PRKG1: variants seen among roughly 807,000 people sequenced by gnomAD.
PRKG1 encodes protein kinase cGMP-dependent 1.
In PRKG1, 35 loss-of-function variants were observed where a neutral mutation model predicts 88.1. That is an observed-to-expected ratio of 0.40 (90% CI 0.30 to 0.53). PRKG1 has a LOEUF of 0.53. Ranked by LOEUF, PRKG1 falls within the 20% of genes least tolerant of loss-of-function variation. PRKG1 has a pLI of 0.59. For missense variants in PRKG1, 540 were observed against 839.8 expected (o/e 0.64, Z 4.41); for synonymous variants, 303 against 292.5 (o/e 1.04, Z -0.37).
intron 3 of PRKG1, among the ~76,000 whole-genome samples, chr10:51,471,265 C>G (rs190708281): frequency 3.8e-4 from 57 of 151,942 alleles, no homozygotes; most frequent in Non-Finnish European, 5.6e-4. Context: ...GGGAAAGAAT[C>G]GCTTGTTATA....
intron 5 of PRKG1, among the ~76,000 whole-genome samples, chr10:52,044,445 G>A (rs1442902684): frequency 3.3e-5 from 5 of 152,038 alleles, no homozygotes; most frequent in East Asian, 1.9e-4. Context: ...TTTTAAAAAC[G>A]ACAGAACTCC....
intron 3 of PRKG1, among the ~76,000 whole-genome samples, chr10:51,605,406 A>G (rs1838738396): frequency 6.6e-6 from 1 of 152,128 alleles, no homozygotes; most frequent in Non-Finnish European, 1.5e-5. Context: ...CCACTCTCGT[A>G]TCACTGTTAC....
rs1211720746 is a variant in PRKG1 at position 51,790,712 on chromosome 10, G to A, written c.593-13873G>A. ...TCTAGACATCTGATCTTTTGATGTA[G>A]AGTCTGTCTCTAAACCATCAGTGTT... is the stretch of plus-strand genomic sequence containing the variant. On this transcript the variant is annotated intron_variant, in intron 3 of 17. Coordinates refer to ENST00000373980, the MANE Select transcript of PRKG1 (RefSeq NM_006258.4). Among the ~76,000 whole-genome samples, 5 of 152,104 alleles carry A rather than the reference G, an allele frequency of 3.3e-5. No individual in the cohort carries two copies. The East Asian group carries it at 7.7e-4, about 23-fold the overall frequency.
intron 4 of PRKG1, among the ~76,000 whole-genome samples, chr10:51,874,928 G>A (rs1019946209): frequency 1.3e-5 from 2 of 152,136 alleles, no homozygotes; most frequent in African/African-American, 2.4e-5. Flanking sequence ...CCCCTACTGT[G>A]TTCCAGACAC....
At chr10:51,061,355 A>G (rs1476198168) in intron 1 of PRKG1, among the ~76,000 whole-genome samples, 3 of 152,076 alleles carry the variant, frequency 2.0e-5, no homozygotes, top group Non-Finnish European at 4.4e-5. Context: ...CCATGAGTCA[A>G]TTACCTCCTA....
chr10:51,804,529 A>G, intron 3 of PRKG1, 56 bp from the exon 4 acceptor site: 1 of 1,207,104 alleles, frequency 8.3e-7, no homozygotes, highest in Non-Finnish European at 1.2e-6. Context: ...TGTTGTTCAC[A>G]GTTGAAATTC....
At chr10:52,096,923 C>T (rs1847186596) in intron 7 of PRKG1, among the ~76,000 whole-genome samples, 1 of 152,054 alleles carries the variant, frequency 6.6e-6, no homozygotes, top group African/African-American at 2.4e-5. Context: ...CATGTAATGG[C>T]TGCTTGCTCT....
intron 3 of PRKG1, among the ~76,000 whole-genome samples, chr10:51,758,669 C>G (rs891866973): frequency 6.6e-6 from 1 of 151,976 alleles, no homozygotes; most frequent in African/African-American, 2.4e-5. Context: ...TCTACCCAGG[C>G]CTGTGATTTT....
At chr10:51,871,977 A>G (rs1019182600) in intron 4 of PRKG1, among the ~76,000 whole-genome samples, 5 of 152,164 alleles carry the variant, frequency 3.3e-5, no homozygotes. Context: ...ATTTGTTAGT[A>G]CCCTTAATGG....
intron 4 of PRKG1, among the ~76,000 whole-genome samples, chr10:51,837,314 T>C (rs1589337719): frequency 1.3e-5 from 2 of 152,288 alleles, no homozygotes; most frequent in East Asian, 3.9e-4. Flanking sequence ...CTTTTGAATA[T>C]GGCACTTAAA....
intron 3 of PRKG1, among the ~76,000 whole-genome samples, chr10:51,754,911 A>G (rs926100612): frequency 2.0e-5 from 3 of 152,056 alleles, no homozygotes; most frequent in Non-Finnish European, 2.9e-5. Context: ...ATTGGATGAG[A>G]ATGGATTGGC....
At chr10:51,599,353 A>G (rs1012314015) in intron 3 of PRKG1, among the ~76,000 whole-genome samples, 2 of 152,202 alleles carry the variant, frequency 1.3e-5, no homozygotes, top group African/African-American at 4.8e-5. Flanking sequence ...GACTAATCCA[A>G]AATGGCAATA....
chr10:51,899,143 C>T (rs1351410297), intron 4 of PRKG1, among the ~76,000 whole-genome samples: 1 of 151,786 alleles, frequency 6.6e-6, no homozygotes, highest in Non-Finnish European at 1.5e-5. Context: ...GTAGGTATTC[C>T]GTGTTTTACA....
At chr10:52,198,620 C>T (rs1012966831) in intron 9 of PRKG1, among the ~76,000 whole-genome samples, 2 of 152,090 alleles carry the variant, frequency 1.3e-5, no homozygotes, top group African/African-American at 2.4e-5. Context: ...TTCTCTCACA[C>T]GTCTGGAGCC....
chr10:51,989,271 C>T (rs538384133), intron 5 of PRKG1, among the ~76,000 whole-genome samples: 1 of 152,088 alleles, frequency 6.6e-6, no homozygotes, highest in East Asian at 1.9e-4. Context: ...GTCTTAAATC[C>T]ATTTTAAAGA....
intron 2 of PRKG1, among the ~76,000 whole-genome samples, chr10:51,465,703 C>T (rs1839888625): frequency 6.6e-6 from 1 of 152,128 alleles, no homozygotes; most frequent in Non-Finnish European, 1.5e-5. Flanking sequence ...GAGAGGGAAT[C>T]TGAAAACAAA....
chr10:52,005,123 T>C (rs1844697974), intron 5 of PRKG1, among the ~76,000 whole-genome samples: 1 of 152,134 alleles, frequency 6.6e-6, no homozygotes, highest in African/African-American at 2.4e-5. Flanking sequence ...TTATTTTCTA[T>C]ACCCTGAAGC....
At chr10:51,142,831 C>T (rs1469146446) in intron 1 of PRKG1, among the ~76,000 whole-genome samples, 1 of 152,010 alleles carries the variant, frequency 6.6e-6, no homozygotes, top group African/African-American at 2.4e-5. Context: ...ATTATCCAAG[C>T]ATAACATTCT....
In PRKG1 at chr10:50,991,512, C is replaced by T. The variant is rs1178803378; in HGVS notation, c.134C>T (p.Ser45Leu). ...AAGAGGAAACTCCACAAATGCCAGT[C>T]GGTGCTCCCAGTGCCCTCGACCCAC... Residue 45 changes from serine (S) to leucine (L), a missense_variant, in exon 1 of 18, where the codon TCG becomes TTG. Coordinates refer to the PRKG1 transcript ENST00000401604. This position sits in a 1 kb window ranked among gnomAD's most constrained non-coding sequence, Gnocchi z 4.5. The T allele has an allele frequency of 6.2e-7, 1 of 1,611,560 alleles. No homozygotes were observed. The highest frequency in any genetic ancestry group is 8.5e-7 in the Non-Finnish European group (1 of 1,179,018).
Sources: gnomAD v4.1 joint callset for allele counts (sites outside exome capture counted in the v4.1 genomes callset) on GRCh38, gnomAD v4.1.1 for gene constraint, Gnocchi (gnomAD v3.1) non-coding constraint, MANE v1.5 for transcripts, NCBI Gene and HGNC (gene_info 2026-07-23, HGNC 2026-07-21) for gene names.